Variants in VEPH1 observed in about 807,000 individuals in gnomAD.
VEPH1 encodes the protein ventricular zone-expressed PH domain-containing protein homolog 1.
A neutral mutation model predicts 85.2 loss-of-function variants in VEPH1; 80 were observed. The observed-to-expected ratio is 0.94, with a 90% CI of 0.78 to 1.13. VEPH1 has a LOEUF of 1.13. Among genes scored for constraint, VEPH1 ranks in the 50% most tolerant of loss-of-function variants. The pLI is 0.00. For missense variants in VEPH1, 955 were observed against 980.5 expected (o/e 0.97, Z 0.35); for synonymous variants, 297 against 348.0 (o/e 0.85, Z 1.63).
intron 11 of VEPH1, among the ~76,000 whole-genome samples, chr3:157,305,729 C>A (rs1334008630): frequency 6.6e-6 from 1 of 152,076 alleles, no homozygotes; most frequent in African/African-American, 2.4e-5. Flanking sequence ...CGTGTGAGTG[C>A]CTTAACTCTT....
At chr3:157,426,001 G>A (rs1732726354) in intron 5 of VEPH1, among the ~76,000 whole-genome samples, 1 of 152,136 alleles carries the variant, frequency 6.6e-6, no homozygotes, top group African/African-American at 2.4e-5. Context: ...TTTATCAGGG[G>A]TTTCTGCTTT....
chr3:157,322,630 G>A (rs540923026), intron 9 of VEPH1, among the ~76,000 whole-genome samples: 66 of 152,304 alleles, frequency 4.3e-4, no homozygotes, highest in African/African-American at 1.5e-3. Flanking sequence ...GCTGTCCAGA[G>A]CAGGGCTGGA....
chr3:157,350,494 C>A (rs1724744106), intron 9 of VEPH1, among the ~76,000 whole-genome samples: 1 of 152,038 alleles, frequency 6.6e-6, no homozygotes, highest in Non-Finnish European at 1.5e-5. Context: ...AAAGCACAGG[C>A]AACAAAAGCA....
chr3:157,384,809 G>A (rs925364783), intron 6 of VEPH1, among the ~76,000 whole-genome samples: 5 of 152,150 alleles, frequency 3.3e-5, no homozygotes, highest in African/African-American at 1.2e-4. Context: ...AGGGCAGGAA[G>A]GGGGTTAGGA....
At chr3:157,269,288 C>T (rs1021572477) in intron 12 of VEPH1, among the ~76,000 whole-genome samples, 4 of 152,118 alleles carry the variant, frequency 2.6e-5, no homozygotes, top group African/African-American at 9.7e-5. Flanking sequence ...GATATAATAA[C>T]TATGATGAGA....
intron 4 of VEPH1, among the ~76,000 whole-genome samples, chr3:157,444,125 G>A (rs1734358709): frequency 6.6e-6 from 1 of 152,140 alleles, no homozygotes; most frequent in Non-Finnish European, 1.5e-5. Flanking sequence ...CACCACACTA[G>A]TATTCTCCTG....
At chr3:157,438,037 G>T (rs6803755) in intron 4 of VEPH1, 4 of 514,746 alleles carry the variant, frequency 7.8e-6, no homozygotes, top group Non-Finnish European at 1.3e-5. Flanking sequence ...GCGCGCGCGC[G>T]CACACACACA....
In VEPH1 at chr3:157,290,115, C is replaced by T. The variant is rs540636068; in HGVS notation, c.2011-3441G>A. Among the ~76,000 whole-genome samples the T allele has an allele frequency of 6.6e-5, 10 of 152,072 alleles. No homozygotes were observed. In the South Asian group the frequency reaches 2.1e-3, roughly 32 times the overall value. ...GCTAGCAGATGCATAGGGAGACCCT[C>T]CTGCTGTGCTTGAAGGAACCAAATT... On this transcript the variant is annotated intron_variant, in intron 11 of 13. Coordinates refer to ENST00000362010, the MANE Select transcript of VEPH1 (RefSeq NM_001167912.2).
intron 7 of VEPH1, 43 bp downstream of exon 7, chr3:157,381,112 AG>A (rs1282532743): frequency 1.3e-6 from 2 of 1,596,762 alleles, no homozygotes; most frequent in Non-Finnish European, 1.7e-6. Flanking sequence ...CTACCCCCAC[AG>A]GTGCACAGCA....
intron 9 of VEPH1, among the ~76,000 whole-genome samples, chr3:157,332,071 A>G (rs970128705): frequency 2.6e-5 from 4 of 152,232 alleles, no homozygotes; most frequent in Non-Finnish European, 5.9e-5. Context: ...TGCCCAGTAC[A>G]TGGTGCTTGC....
intron 6 of VEPH1, among the ~76,000 whole-genome samples, chr3:157,386,250 CAAAAA>C (rs71302265): frequency 1.0e-4 from 4 of 38,484 alleles, no homozygotes; most frequent in African/African-American, 3.8e-4. Flanking sequence ...AATGGTTCCA[CAAAAA>C]AAAAAAAAAA....
chr3:157,366,155 A>T (rs796135717), intron 7 of VEPH1, among the ~76,000 whole-genome samples: 1 of 152,216 alleles, frequency 6.6e-6, no homozygotes, highest in South Asian at 2.1e-4. Flanking sequence ...GCTGTATGCC[A>T]TGAACTCGGG....
At chr3:157,410,497 C>T (rs781107902) in intron 6 of VEPH1, among the ~76,000 whole-genome samples, 3 of 152,118 alleles carry the variant, frequency 2.0e-5, no homozygotes, top group Admixed American at 2.0e-4. Context: ...TACACACATG[C>T]ACATCTTGCC....
At chr3:157,332,972 A>G (rs1722641138) in intron 9 of VEPH1, among the ~76,000 whole-genome samples, 3 of 152,162 alleles carry the variant, frequency 2.0e-5, no homozygotes, top group Admixed American at 2.0e-4. Context: ...CAGTGCTTAC[A>G]AACAATACTC....
At chr3:157,468,952 C>T (rs963253567) in intron 3 of VEPH1, among the ~76,000 whole-genome samples, 3 of 152,094 alleles carry the variant, frequency 2.0e-5, no homozygotes, top group Non-Finnish European at 4.4e-5. Context: ...CATTAGATTT[C>T]TATTCGATAG....
intron 6 of VEPH1, among the ~76,000 whole-genome samples, chr3:157,405,492 A>G (rs563611778): frequency 7.2e-5 from 11 of 152,236 alleles, no homozygotes; most frequent in African/African-American, 2.2e-4. Context: ...CTGCTAATCA[A>G]TATGGAATTT....
intron 2 of VEPH1, among the ~76,000 whole-genome samples, chr3:157,483,872 A>C (rs759798376): frequency 1.3e-5 from 2 of 152,200 alleles, no homozygotes; most frequent in Non-Finnish European, 2.9e-5. Flanking sequence ...TGCACAACTG[A>C]GTGAATAAAT....
At chr3:157,403,166 C>T (rs1730895638) in intron 6 of VEPH1, among the ~76,000 whole-genome samples, 1 of 152,106 alleles carries the variant, frequency 6.6e-6, no homozygotes, top group Non-Finnish European at 1.5e-5. Context: ...CACGATTTTA[C>T]ATCATAGTGA....
intron 4 of VEPH1, chr3:157,442,224 AG>A: frequency 1.3e-6 from 1 of 756,350 alleles, no homozygotes; most frequent in Non-Finnish European, 2.0e-6. Flanking sequence ...TTACAGTGGA[AG>A]CTTCTTAAGT....
Sources: allele counts gnomAD v4.1 joint callset (sites outside exome capture counted in the v4.1 genomes callset), GRCh38; gene constraint gnomAD v4.1.1; transcripts MANE v1.5; gene names NCBI Gene and HGNC (gene_info 2026-07-23, HGNC 2026-07-21).